The following NEBL variants were observed in gnomAD, a reference collection of about 807,000 sequenced individuals.
The protein encoded by NEBL is nebulette.
In NEBL, 122 loss-of-function variants were observed where a neutral mutation model predicts 140.2. The observed-to-expected ratio is 0.87, with a 90% confidence interval of 0.75 to 1.01. The LOEUF is 1.01. Ranked by LOEUF, NEBL falls within the 50% of genes least tolerant of loss-of-function variation. NEBL has a pLI of 0.00. For missense variants in NEBL, 1,365 were observed against 1,231.3 expected (o/e 1.11, Z -1.62); for synonymous variants, 436 against 398.9 (o/e 1.09, Z -1.11).
intron 2 of NEBL, among the ~76,000 whole-genome samples, chr10:21,031,267 A>G (rs937588369): frequency 6.6e-6 from 1 of 152,210 alleles, no homozygotes; most frequent in Non-Finnish European, 1.5e-5. Flanking sequence ...CCTGCTCACC[A>G]TGAGAAAGCT....
chr10:21,276,080 C>T (rs1842920645), intron 1 of NEBL, among the ~76,000 whole-genome samples: 1 of 151,148 alleles, frequency 6.6e-6, no homozygotes, highest in Non-Finnish European at 1.5e-5. Flanking sequence ...AAGCGATTGT[C>T]ATGCCTCAGC....
intron 3 of NEBL, among the ~76,000 whole-genome samples, chr10:20,985,538 A>G (rs1837221431): frequency 6.6e-6 from 1 of 152,242 alleles, no homozygotes; most frequent in Non-Finnish European, 1.5e-5. Context: ...ACTCATTACC[A>G]TGAAATCTCA....
rs760447682 is a variant in NEBL at position 21,243,239 on chromosome 10, G to A, written n.348+4682C>T. The stretch of plus-strand genomic sequence containing the variant: ...ACCTTTGCGGACATCTTGTCAACCC[G>A]CAGGACCAAGCATGACCTAGCCCCT... On this transcript the variant is annotated intron_variant and non_coding_transcript_variant, in intron 3 of 8. Coordinates refer to the NEBL transcript ENST00000675702. 1.1e-3 allele frequency among the ~76,000 whole-genome samples: 173 copies of A among 151,384 alleles called. 2 individuals carry two copies. Among genetic ancestry groups the A allele is most frequent in the Middle Eastern group, 3.5e-3 (1 of 286 alleles).
intron 2 of NEBL, among the ~76,000 whole-genome samples, chr10:21,158,037 C>A (rs1021158608): frequency 6.6e-6 from 1 of 152,210 alleles, no homozygotes; most frequent in African/African-American, 2.4e-5. Flanking sequence ...AGATTTCGGA[C>A]TTTTAGTCTC....
At position 20,880,869 on chromosome 10, in the gene NEBL, T is replaced by C; in HGVS notation, c.405A>G (p.Gly135=). ...CCTTCATGTGGGCATAATCTGAGAA[T>C]CCTTTGGCAGCATCATGTTTCTGCT... ...AYKQKHDAAK[G]FSDYAHMKEP... The change falls in exon 5 of 28, where the codon GGA becomes GGG. Residue 135 remains glycine, a synonymous_variant. Coordinates refer to ENST00000377122, the MANE Select transcript of NEBL (RefSeq NM_006393.3). 1 of 1,614,136 alleles carries C rather than the reference T, an allele frequency of 6.2e-7. No homozygotes were observed. The highest frequency in any genetic ancestry group is 8.5e-7 in the Non-Finnish European group (1 of 1,180,016).
chr10:21,072,182 G>A (rs561204769), intron 2 of NEBL, among the ~76,000 whole-genome samples: 1 of 152,064 alleles, frequency 6.6e-6, no homozygotes, highest in South Asian at 2.1e-4. Context: ...AGCTCCCAGT[G>A]GCTGCAGCCC....
At chr10:21,229,024 G>T (rs565868982) in intron 3 of NEBL, among the ~76,000 whole-genome samples, 1 of 151,964 alleles carries the variant, frequency 6.6e-6, no homozygotes, top group Admixed American at 6.6e-5. Flanking sequence ...ACCCATAGTG[G>T]ACATAGAGTG....
At chr10:21,024,555 C>T (rs545790434) in intron 2 of NEBL, among the ~76,000 whole-genome samples, 10 of 150,918 alleles carry the variant, frequency 6.6e-5, no homozygotes, top group Admixed American at 5.9e-4. Flanking sequence ...AGTGGGATGG[C>T]CTCATGAGTT....
intron 12 of NEBL, among the ~76,000 whole-genome samples, chr10:20,844,977 T>C (rs1165427984): frequency 2.0e-5 from 3 of 152,116 alleles, no homozygotes; most frequent in South Asian, 2.1e-4. Flanking sequence ...AAACTATTTA[T>C]AGAGCTTCTG....
At chr10:20,845,415 C>A (rs1270167303) in intron 11 of NEBL, 47 bp from the exon 12 acceptor site, 1 of 1,187,854 alleles carries the variant, frequency 8.4e-7, no homozygotes, top group Non-Finnish European at 1.3e-6. Flanking sequence ...ATATCAGTGA[C>A]CATTGAAAAG....
chr10:20,825,521 G>A (rs1415828595), intron 18 of NEBL, among the ~76,000 whole-genome samples: 2 of 151,926 alleles, frequency 1.3e-5, no homozygotes, highest in East Asian at 3.9e-4. Flanking sequence ...AAAATAAATG[G>A]CCAGGTGTGG....
intron 7 of NEBL, among the ~76,000 whole-genome samples, chr10:20,866,186 T>C (rs1031556395): frequency 6.6e-6 from 1 of 152,106 alleles, no homozygotes; most frequent in Non-Finnish European, 1.5e-5. Flanking sequence ...TTTTTATCAT[T>C]ATTTTTTCAT....
At chr10:21,249,213 T>C (rs1371895427) in intron 2 of NEBL, among the ~76,000 whole-genome samples, 1 of 152,124 alleles carries the variant, frequency 6.6e-6, no homozygotes, top group Non-Finnish European at 1.5e-5. Flanking sequence ...ATTGGGTTGT[T>C]TGGTACTTTT....
intron 3 of NEBL, among the ~76,000 whole-genome samples, chr10:20,990,159 A>T (rs1837404018): frequency 6.6e-6 from 1 of 152,092 alleles, no homozygotes; most frequent in Admixed American, 6.6e-5. Context: ...TTTCCATGTG[A>T]TTAATTGTAT....
At chr10:21,112,199 A>G (rs1225572387) in intron 2 of NEBL, among the ~76,000 whole-genome samples, 1 of 152,226 alleles carries the variant, frequency 6.6e-6, no homozygotes, top group Non-Finnish European at 1.5e-5. Flanking sequence ...TCAAGGATTT[A>G]GAACTAGAAA....
rs539149747 is a variant in NEBL, at chr10:20,872,180, C to T, written c.481-2339G>A. Among the ~76,000 whole-genome samples, 73 of 152,120 alleles carry T rather than the reference C, an allele frequency of 4.8e-4. 1 individual carries two copies. Among genetic ancestry groups the T allele is most frequent in the African/African-American group, 1.7e-3 (70 of 41,496 alleles). On this transcript the variant is annotated intron_variant, in intron 5 of 27. Coordinates refer to ENST00000377122, the MANE Select transcript of NEBL (RefSeq NM_006393.3). ...TAATGACTGCGTGAAGAGAGGTGAA[C>T]GGCACAAAGGCAGCAGGAGCAGGAC...
chr10:20,924,513 G>A (rs1260371266), intron 4 of NEBL, among the ~76,000 whole-genome samples: 3 of 116,670 alleles, frequency 2.6e-5, no homozygotes, highest in African/African-American at 3.6e-5. Context: ...AATACAGAGA[G>A]TATCTTGTAT....
In NEBL at chr10:20,831,555, T is replaced by C; in HGVS notation, c.1478A>G (p.Glu493Gly). 6 of 1,611,006 alleles carry C rather than the reference T, an allele frequency of 3.7e-6. No individual in the cohort carries two copies. The highest frequency in any genetic ancestry group is 4.2e-6 in the Non-Finnish European group (5 of 1,177,790). The part of the protein sequence containing the change: ...EKDYKRDLET[E>G]IKGKGMQVST... ...CACCTGCATCCCTTTCCCTTTAATT[T>C]CAGTCTCCAGATCTCTTTTATAGTC... is the stretch of plus-strand genomic sequence containing the variant. Residue 493 changes from glutamate (E) to glycine (G), a missense_variant, in exon 15 of 28, where the codon GAA (glutamate) becomes GGA (glycine). This residue lies in a region of NEBL where 1,323 missense variants were observed against 1,154.8 expected (regional missense o/e 1.15). Coordinates refer to ENST00000377122, the MANE Select transcript of NEBL (RefSeq NM_006393.3).
intron 9 of NEBL, among the ~76,000 whole-genome samples, chr10:20,857,638 C>CGA (rs1200457417): frequency 2.6e-5 from 4 of 152,072 alleles, no homozygotes; most frequent in African/African-American, 9.7e-5. Flanking sequence ...GTTGAAACAG[C>CGA]ATTCAGCGTA....
Sources: allele counts gnomAD v4.1 joint callset (sites outside exome capture counted in the v4.1 genomes callset), GRCh38; gene constraint gnomAD v4.1.1; regional missense constraint gnomAD v4.1.1; transcripts MANE v1.5; gene names NCBI Gene and HGNC (gene_info 2026-07-23, HGNC 2026-07-21).